Variants in NPTXR observed in about 807,000 individuals in gnomAD.
NPTXR encodes neuronal pentraxin receptor.
Under a neutral mutation model 32.2 loss-of-function variants are expected in NPTXR, and 12 were observed. The ratio of observed to expected loss-of-function variants is 0.37; its 90% CI spans 0.24 to 0.60. NPTXR has a LOEUF of 0.60. Ranked by LOEUF, NPTXR falls within the 20% of genes least tolerant of loss-of-function variation. The pLI is 0.66. For synonymous variants in NPTXR, 323 were observed against 315.8 expected (o/e 1.02, Z -0.24); for missense variants, 612 against 682.9 (o/e 0.90, Z 1.16).
At chr22:38,828,876 G>C (rs1389606867) in intron 1 of NPTXR, among the ~76,000 whole-genome samples, 1 of 152,240 alleles carries the variant, frequency 6.6e-6, no homozygotes, top group Non-Finnish European at 1.5e-5. Context: ...AGCAAGGCTA[G>C]ACACTGATAG....
intron 1 of NPTXR, among the ~76,000 whole-genome samples, chr22:38,838,447 T>C (rs901230381): frequency 1.3e-5 from 2 of 152,074 alleles, no homozygotes; most frequent in East Asian, 3.9e-4. Context: ...TTGCAGCAAG[T>C]CTCTCGGCTA....
rs776757600 is a variant in NPTXR, at chr22:38,834,802, G to A, written c.625-6290C>T. Among the ~76,000 whole-genome samples, 3 of 152,010 alleles carry A rather than the reference G, an allele frequency of 2.0e-5. No individual in the cohort carries two copies. Among genetic ancestry groups the A allele is most frequent in the African/African-American group, 7.3e-5 (3 of 41,362 alleles). ...TATCTGTAAAATGGGTGTAATAATA[G>A]TACCTACATTTGGGGATATAAATAA... On this transcript the variant is annotated intron_variant, in intron 1 of 4. Coordinates refer to ENST00000333039, the MANE Select transcript of NPTXR (RefSeq NM_014293.4). The surrounding 1 kb of genome is among the most constrained non-coding windows in gnomAD (Gnocchi z 4.4).
intron 1 of NPTXR, among the ~76,000 whole-genome samples, chr22:38,836,459 C>G (rs1217634621): frequency 6.6e-6 from 1 of 152,264 alleles, no homozygotes; most frequent in Non-Finnish European, 1.5e-5. Flanking sequence ...CGCAATAAGC[C>G]TGGATGCCAC....
chr22:38,824,555 C>T (rs77400816), intron 3 of NPTXR, among the ~76,000 whole-genome samples: 6,767 of 152,232 alleles, frequency 0.044, 359 homozygotes, highest in African/African-American at 0.13. Flanking sequence ...CATTCCATTG[C>T]TAGGCAAAAC....
rs1393828196 is a variant in NPTXR, at chr22:38,834,527, T to C, written c.625-6015A>G. On this transcript the variant is annotated intron_variant, in intron 1 of 4. Coordinates refer to ENST00000333039, the MANE Select transcript of NPTXR (RefSeq NM_014293.4). This position sits in a 1 kb window ranked among gnomAD's most constrained non-coding sequence, Gnocchi z 4.4. ...CTGATGCCTGAACTGAGATGCTCTATAGAGAGAGAAGAGGGCCCTGAGAGC... is the reference window on the plus strand; with the variant it reads ...CTGATGCCTGAACTGAGATGCTCTACAGAGAGAGAAGAGGGCCCTGAGAGC... Among the ~76,000 whole-genome samples the C allele has an allele frequency of 2.0e-5, 3 of 147,604 alleles. No individual in the cohort carries two copies. The highest frequency in any genetic ancestry group is 5.0e-5 in the African/African-American group (2 of 40,170).
rs541786368 is a variant in NPTXR at position 38,834,662 on chromosome 22, C to A, written c.625-6150G>T. Among the ~76,000 whole-genome samples, 1 of 151,854 alleles carries A rather than the reference C, an allele frequency of 6.6e-6. No homozygotes were observed. Among genetic ancestry groups the A allele is most frequent in the Non-Finnish European group, 1.5e-5 (1 of 67,994 alleles). ...CATGTGTGCCGCAGCAACATGGCGTCGTAGTTGCAGACACGAACTGTCACG... is the reference window on the plus strand; with the variant it reads ...CATGTGTGCCGCAGCAACATGGCGTAGTAGTTGCAGACACGAACTGTCACG... On this transcript the variant is annotated intron_variant, in intron 1 of 4. Transcript: ENST00000333039. This position sits in a 1 kb window ranked among gnomAD's most constrained non-coding sequence, Gnocchi z 4.4.
intron 1 of NPTXR, among the ~76,000 whole-genome samples, chr22:38,835,134 C>T (rs1291479961): frequency 6.6e-6 from 1 of 152,240 alleles, no homozygotes; most frequent in Non-Finnish European, 1.5e-5. Context: ...CCCCTGCTGC[C>T]TCTTGCCAAG....
intron 1 of NPTXR, among the ~76,000 whole-genome samples, chr22:38,829,090 G>A (rs907742975): frequency 6.6e-6 from 1 of 152,210 alleles, no homozygotes. Context: ...ACAGCCCAGG[G>A]TTCAAAACCA....
chr22:38,833,645 G>A (rs1324564578), intron 1 of NPTXR, among the ~76,000 whole-genome samples: 2 of 150,142 alleles, frequency 1.3e-5, no homozygotes, highest in Non-Finnish European at 2.9e-5. Flanking sequence ...TATTAATGTC[G>A]TGACTAACAA....
At position 38,828,429 on chromosome 22, in the gene NPTXR, G is replaced by A; in HGVS notation, c.708C>T (p.Asp236=). 1 of 1,612,568 alleles carries A rather than the reference G, an allele frequency of 6.2e-7. No homozygotes were observed. Among genetic ancestry groups the A allele is most frequent in the South Asian group, 1.1e-5 (1 of 90,976 alleles). ...GGGCCAGCAGCTGCCCCTCCAGCTG[G>A]TCCATCTTGGAGTGTAGGCCGGTGG... The change falls in exon 2 of 5, where the codon GAC becomes GAT. Residue 236 remains aspartate, a synonymous_variant. Coordinates refer to ENST00000333039, the MANE Select transcript of NPTXR (RefSeq NM_014293.4).
intron 1 of NPTXR, among the ~76,000 whole-genome samples, chr22:38,829,939 C>A (rs1025397897): frequency 1.3e-5 from 2 of 152,238 alleles, no homozygotes; most frequent in African/African-American, 4.8e-5. Flanking sequence ...CTGGGTGACA[C>A]TGGACACTGC....
In NPTXR at chr22:38,821,472, C is replaced by T. The variant is rs1474953619; in HGVS notation, c.*1137G>A. 1 of 152,406 alleles carries T rather than the reference C, an allele frequency of 6.6e-6. No homozygotes were observed. Among genetic ancestry groups the T allele is most frequent in the Non-Finnish European group, 1.5e-5 (1 of 68,174 alleles). The allele number at this position is 152,406 out of a possible 1,614,324, so 9.4% of individuals were successfully genotyped here. A position where few individuals can be genotyped will look rare whatever the true frequency, so the allele number is the denominator to read the frequency against. The stretch of plus-strand genomic sequence containing the variant: ...CCTGCGAAGCCCAGGGTCACCAGAG[C>T]TTTCCCCACATATCCACCTGGAATC... On this transcript the variant is annotated 3_prime_UTR_variant, in exon 5 of 5. Coordinates refer to ENST00000333039, the MANE Select transcript of NPTXR (RefSeq NM_014293.4).
Position 38,826,601 on chromosome 22 carries a change from C to G in NPTXR, c.997G>C (p.Gly333Arg). Residue 333 changes from glycine (G) to arginine (R), a missense_variant, in exon 3 of 5, where the codon GGC becomes CGC. By Grantham distance (125) the Gly-to-Arg change is moderately radical. Coordinates refer to ENST00000333039, the MANE Select transcript of NPTXR (RefSeq NM_014293.4). Reference sequence around the variant, plus strand: ...GAGTAGGAGAAGGGGGTGCCCTGGCCGGTGCCGCTGGACCTGGACCGCAGC... The same window carrying G: ...GAGTAGGAGAAGGGGGTGCCCTGGCGGGTGCCGCTGGACCTGGACCGCAGC... The G allele has an allele frequency of 6.2e-7, 1 of 1,614,234 alleles. No homozygotes were observed. Among genetic ancestry groups the G allele is most frequent in the Non-Finnish European group, 8.5e-7 (1 of 1,180,044 alleles).
chr22:38,843,264 C>A lies in NPTXR; in HGVS notation c.595G>T (p.Ala199Ser). ...AGGCGGTCGATGCGGTCCCGCAGGG[C>A]GCGCACGGCGTCCTCCAGCTCCAGA... is the stretch of plus-strand genomic sequence containing the variant. The change falls in exon 1 of 5, where the codon GCC becomes TCC. Residue 199 changes from alanine (A) to serine (S), a missense_variant. By Grantham distance (99) the Ala-to-Ser change is moderately conservative (BLOSUM62 1). Coordinates refer to ENST00000333039, the MANE Select transcript of NPTXR (RefSeq NM_014293.4). This position sits in a 1 kb window ranked among gnomAD's most constrained non-coding sequence, Gnocchi z 5.3. The A allele has an allele frequency of 7.0e-7, 1 of 1,424,840 alleles. No individual in the cohort carries two copies. Among genetic ancestry groups the A allele is most frequent in the Non-Finnish European group, 9.1e-7 (1 of 1,095,212 alleles). 88.3% of individuals were successfully genotyped at this position (1,424,840 alleles called of 1,614,324 possible).
At position 38,843,279 on chromosome 22, in the gene NPTXR, C is replaced by A. The variant is rs988665176; in HGVS notation, c.580G>T (p.Glu194Ter). 2 of 1,436,032 alleles carry A rather than the reference C, an allele frequency of 1.4e-6. No individual in the cohort carries two copies. Among genetic ancestry groups the A allele is most frequent in the Non-Finnish European group, 1.8e-6 (2 of 1,101,356 alleles). 89.0% of individuals were successfully genotyped at this position (1,436,032 alleles called of 1,614,324 possible). A position where few individuals can be genotyped will look rare whatever the true frequency, so the allele number is the denominator to read the frequency against. The change falls in exon 1 of 5, where the codon GAG becomes TAG. Residue 194 changes from glutamate (E) to a stop codon, truncating the protein, a stop_gained. Coordinates refer to ENST00000333039, the MANE Select transcript of NPTXR (RefSeq NM_014293.4). LOFTEE classifies it high-confidence loss of function. This position sits in a 1 kb window ranked among gnomAD's most constrained non-coding sequence, Gnocchi z 5.3. ...TCCCGCAGGGCGCGCACGGCGTCCT[C>A]CAGCTCCAGAATGAGCGCAGGCGAG...
chr22:38,828,434 T>G lies in NPTXR; in HGVS notation c.703A>C (p.Met235Leu). Residue 235 changes from methionine (M) to leucine (L), a missense_variant, in exon 2 of 5, where the codon ATG (methionine) becomes CTG (leucine). Met to Leu is a conservative substitution (Grantham distance 15). Coordinates refer to ENST00000333039, the MANE Select transcript of NPTXR (RefSeq NM_014293.4). ...AGCAGCTGCCCCTCCAGCTGGTCCATCTTGGAGTGTAGGCCGGTGGGCACA... is the reference window on the plus strand; with the variant it reads ...AGCAGCTGCCCCTCCAGCTGGTCCAGCTTGGAGTGTAGGCCGGTGGGCACA... The G allele has an allele frequency of 6.2e-7, 1 of 1,612,516 alleles. No homozygotes were observed. The highest frequency in any genetic ancestry group is 8.5e-7 in the Non-Finnish European group (1 of 1,179,748).
chr22:38,834,938 G>A lies in NPTXR; in HGVS notation c.625-6426C>T, dbSNP rs2093121804. 6.6e-6 allele frequency among the ~76,000 whole-genome samples: 1 copy of A among 152,244 alleles called. No individual in the cohort carries two copies. On this transcript the variant is annotated intron_variant, in intron 1 of 4. Coordinates refer to ENST00000333039, the MANE Select transcript of NPTXR (RefSeq NM_014293.4). This position sits in a 1 kb window ranked among gnomAD's most constrained non-coding sequence, Gnocchi z 4.4. ...ATTGAGAGGCAGGAGAGCATAATGT[G>A]TCATGGTGCAGGCCCTGGAGCCAGA...
intron 1 of NPTXR, among the ~76,000 whole-genome samples, chr22:38,836,680 A>C (rs970820074): frequency 1.3e-5 from 2 of 152,182 alleles, no homozygotes; most frequent in Non-Finnish European, 2.9e-5. Flanking sequence ...GCGCTTTCAC[A>C]GGGGTATCCA....
At chr22:38,840,478 T>C (rs1266341750) in intron 1 of NPTXR, among the ~76,000 whole-genome samples, 1 of 151,082 alleles carries the variant, frequency 6.6e-6, no homozygotes, top group Non-Finnish European at 1.5e-5. Flanking sequence ...GAGGGAAGGG[T>C]GTGCCTGGAG....
Sources: gnomAD v4.1 joint callset for allele counts (sites outside exome capture counted in the v4.1 genomes callset) on GRCh38, gnomAD v4.1.1 for gene constraint, Gnocchi (gnomAD v3.1) non-coding constraint, MANE v1.5 for transcripts, NCBI Gene and HGNC (gene_info 2026-07-23, HGNC 2026-07-21) for gene names.